The following ITGA8 variants were observed in gnomAD, a reference collection of about 807,000 sequenced individuals.
ITGA8 encodes integrin subunit alpha 8.
Under a neutral mutation model 142.3 loss-of-function variants are expected in ITGA8, and 91 were observed. The observed-to-expected ratio is 0.64, with a 90% CI of 0.54 to 0.76. The LOEUF (loss-of-function observed/expected upper bound fraction) is 0.76, where lower values mean the gene tolerates loss of function less well. Ranked by LOEUF, ITGA8 falls within the 30% of genes least tolerant of loss-of-function variation. ITGA8 has a pLI of 0.00. For missense variants in ITGA8, 1,406 were observed against 1,327.7 expected (o/e 1.06, Z -0.92); for synonymous variants, 505 against 485.2 (o/e 1.04, Z -0.54).
At chr10:15,671,191 A>G (rs1418149250) in intron 8 of ITGA8, among the ~76,000 whole-genome samples, 1 of 152,156 alleles carries the variant, frequency 6.6e-6, no homozygotes, top group Non-Finnish European at 1.5e-5. Flanking sequence ...TTAAAAGAGG[A>G]AAAAGCAAGT....
intron 2 of ITGA8, among the ~76,000 whole-genome samples, chr10:15,693,056 G>A: frequency 6.6e-6 from 1 of 152,070 alleles, no homozygotes; most frequent in Non-Finnish European, 1.5e-5. Context: ...AACAAAGTAA[G>A]ACTCTGTCTC....
At chr10:15,634,909 C>G (rs1162656807) in intron 13 of ITGA8, among the ~76,000 whole-genome samples, 2 of 151,162 alleles carry the variant, frequency 1.3e-5, no homozygotes, top group Non-Finnish European at 2.9e-5. Flanking sequence ...TAAGGGTCTA[C>G]TATTTTTTTG....
At chr10:15,654,248 G>A (rs183265498) in intron 11 of ITGA8, among the ~76,000 whole-genome samples, 154 of 152,164 alleles carry the variant, frequency 1.0e-3, no homozygotes, top group Non-Finnish European at 1.6e-3. Flanking sequence ...GGTTGCTTTC[G>A]GTCCTTTTGT....
chr10:15,611,413 AG>A (rs2131614290), intron 15 of ITGA8: 1 of 152,316 alleles, frequency 6.6e-6, no homozygotes, highest in South Asian at 2.1e-4. Context: ...GATTAAATGC[AG>A]TAAGAAAATG....
At chr10:15,677,672 G>A in intron 5 of ITGA8, 35 bp from the exon 6 acceptor site, 1 of 1,587,612 alleles carries the variant, frequency 6.3e-7, no homozygotes. Flanking sequence ...AACCATAATT[G>A]GAAAAGAAAT....
In ITGA8 at chr10:15,719,622, G is replaced by T. The variant is rs778560646; in HGVS notation, c.150C>A (p.Ser50Arg). ...NLDVEKLTVY[S>R]GPKGSYFGYA... Reference sequence around the variant, plus strand: ...AGCCGAAGTAGCTGCCCTTGGGGCCGCTGTACACTGTGAGCTTTTCCACGT... The same window carrying T: ...AGCCGAAGTAGCTGCCCTTGGGGCCTCTGTACACTGTGAGCTTTTCCACGT... Residue 50 changes from serine to arginine, a missense_variant, in exon 1 of 30, where the codon AGC (serine) becomes AGA (arginine). Transcript: ENST00000378076. 6.4e-7 allele frequency: 1 copy of T among 1,551,826 alleles called. No individual in the cohort carries two copies. The highest frequency in any genetic ancestry group is 1.2e-5 in the South Asian group (1 of 82,674).
intron 27 of ITGA8, among the ~76,000 whole-genome samples, chr10:15,545,218 A>G (rs1833646303): frequency 6.6e-6 from 1 of 152,148 alleles, no homozygotes; most frequent in South Asian, 2.1e-4. Context: ...CTTCCTCACC[A>G]TTTGGCTTAG....
At chr10:15,643,042 A>G (rs1833899150) in intron 13 of ITGA8, among the ~76,000 whole-genome samples, 1 of 152,214 alleles carries the variant, frequency 6.6e-6, no homozygotes, top group Non-Finnish European at 1.5e-5. Flanking sequence ...CCCTAAAACC[A>G]AGAAGTCTGA....
chr10:15,636,972 C>T (rs1373559257), intron 13 of ITGA8, among the ~76,000 whole-genome samples: 2 of 152,108 alleles, frequency 1.3e-5, no homozygotes, highest in African/African-American at 4.8e-5. Context: ...TGGTGAAACC[C>T]CATCTCTATG....
At chr10:15,684,195 A>G in intron 3 of ITGA8, 68 bp from the exon 4 acceptor site, 1 of 1,501,464 alleles carries the variant, frequency 6.7e-7, no homozygotes, top group Non-Finnish European at 9.1e-7. Context: ...TTTTATTTGA[A>G]TTATTGGTAT....
Position 15,518,004 on chromosome 10 carries a change from G to T in ITGA8, c.3106-760C>A, listed in dbSNP as rs758283726. Reference sequence around the variant, plus strand: ...GTGAAGAGATGGCCACACATCCCTCGGTGCTTGGTGGAACATAGAGCATAT... The same window carrying T: ...GTGAAGAGATGGCCACACATCCCTCTGTGCTTGGTGGAACATAGAGCATAT... On this transcript the variant is annotated intron_variant, in intron 29 of 29. Coordinates refer to ENST00000378076, the MANE Select transcript of ITGA8 (RefSeq NM_003638.3). 2.0e-5 allele frequency among the ~76,000 whole-genome samples: 3 copies of T among 152,266 alleles called. No individual in the cohort carries two copies. The East Asian group carries it at 5.8e-4, about 29-fold the overall frequency.
intron 6 of ITGA8, 149 bp downstream of exon 6, chr10:15,677,443 C>CA (rs558046443): frequency 2.3e-4 from 135 of 599,882 alleles, no homozygotes; most frequent in African/African-American, 7.9e-4. Flanking sequence ...ATATTAAAAG[C>CA]AAAAAAAAGA....
At chr10:15,644,420 A>G (rs1406897393) in intron 12 of ITGA8, among the ~76,000 whole-genome samples, 199 bp from the exon 13 acceptor site, 3 of 121,018 alleles carry the variant, frequency 2.5e-5, no homozygotes, top group Non-Finnish European at 5.0e-5. Context: ...GGTGCATACC[A>G]CCATGTCAGG....
chr10:15,608,005 G>A (rs1343660305), intron 16 of ITGA8, among the ~76,000 whole-genome samples, 174 bp from the exon 17 acceptor site: 1 of 152,050 alleles, frequency 6.6e-6, no homozygotes, highest in African/African-American at 2.4e-5. Context: ...AGCTACAAAT[G>A]TTTTATAATG....
intron 22 of ITGA8, among the ~76,000 whole-genome samples, chr10:15,588,113 T>A (rs1832863253): frequency 6.6e-6 from 1 of 152,154 alleles, no homozygotes; most frequent in Admixed American, 6.5e-5. Context: ...GGACAAGCTC[T>A]AGCACCAAGA....
chr10:15,710,689 G>A (rs1010450376), intron 2 of ITGA8, among the ~76,000 whole-genome samples: 3 of 152,184 alleles, frequency 2.0e-5, no homozygotes, highest in Non-Finnish European at 2.9e-5. Flanking sequence ...TGTAACTAGC[G>A]AGGCAAGAGG....
At chr10:15,531,555 G>A (rs1054934084) in intron 27 of ITGA8, among the ~76,000 whole-genome samples, 1 of 152,226 alleles carries the variant, frequency 6.6e-6, no homozygotes, top group African/African-American at 2.4e-5. Flanking sequence ...GTTACTGCTA[G>A]TGAAGGACAA....
intron 2 of ITGA8, among the ~76,000 whole-genome samples, chr10:15,701,181 A>G (rs759380908): frequency 9.2e-5 from 14 of 152,140 alleles, no homozygotes; most frequent in Middle Eastern, 3.2e-3. Flanking sequence ...TGTATGTGTG[A>G]TTGTGATTGT....
intron 21 of ITGA8, among the ~76,000 whole-genome samples, chr10:15,594,659 G>A (rs974405325): frequency 5.9e-5 from 9 of 152,124 alleles, no homozygotes; most frequent in Non-Finnish European, 7.3e-5. Context: ...GTGAGTGCCT[G>A]TAATCCCAGC....
Sources: gnomAD v4.1 joint callset for allele counts (sites outside exome capture counted in the v4.1 genomes callset) on GRCh38, gnomAD v4.1.1 for gene constraint, MANE v1.5 for transcripts, NCBI Gene and HGNC (gene_info 2026-07-23, HGNC 2026-07-21) for gene names.